Variants in UBE2D3 observed in about 807,000 individuals in gnomAD.
The protein encoded by UBE2D3 is ubiquitin conjugating enzyme E2 D3.
UBE2D3 carries 2 observed loss-of-function variants against 22.8 expected under a neutral mutation model. That is an observed-to-expected ratio of 0.09 (90% CI 0.04 to 0.28). The LOEUF is 0.28. UBE2D3 is among the 10% of genes least tolerant of loss of function. The pLI, the probability that UBE2D3 is intolerant of heterozygous loss-of-function variation, is 1.00. For synonymous variants in UBE2D3, 56 were observed against 60.4 expected, an observed-to-expected ratio of 0.93 and a Z score of 0.34; for missense variants, 27 against 182.5, an observed-to-expected ratio of 0.15 and a Z score of 4.91.
At chr4:102,803,926 A>C (rs1578226064) in intron 4 of UBE2D3, among the ~76,000 whole-genome samples, 1 of 151,736 alleles carries the variant, frequency 6.6e-6, no homozygotes, top group Admixed American at 6.6e-5. Flanking sequence ...GCACCACCAC[A>C]CCCAGCTAAT....
At chr4:102,868,836 C>A in exon 1 of UBE2D3, 1 of 1,583,238 alleles carries the variant, frequency 6.3e-7, no homozygotes, top group Non-Finnish European at 8.7e-7. Context: ...GCCACCTTCA[C>A]ACGAGATTCC....
chr4:102,837,625 C>A lies in UBE2D3; in HGVS notation c.-128-10989G>T, dbSNP rs571679084. Reference sequence around the variant, plus strand: ...ATCGCTTGGGCCCAGGAGTTTGAGACAAGCTTAGGCAACACAGTGATCCTG... The same window carrying A: ...ATCGCTTGGGCCCAGGAGTTTGAGAAAAGCTTAGGCAACACAGTGATCCTG... On this transcript the variant is annotated intron_variant, in intron 1 of 7. Transcript: ENST00000338145. Among the ~76,000 whole-genome samples, 7 of 152,120 alleles carry A rather than the reference C, an allele frequency of 4.6e-5. No homozygotes were observed. In the South Asian group the frequency reaches 1.5e-3, roughly 32 times the overall value.
chr4:102,799,612 T>C, intron 6 of UBE2D3, 112 bp from the exon 7 acceptor site: 1 of 711,914 alleles, frequency 1.4e-6, no homozygotes, highest in Non-Finnish European at 2.3e-6. Context: ...TTAGTTTGTA[T>C]CTTTATCTCA....
chr4:102,832,429 T>C (rs758462996), upstream of UBE2D3, among the ~76,000 whole-genome samples: 3 of 152,040 alleles, frequency 2.0e-5, no homozygotes, highest in African/African-American at 4.8e-5. Context: ...AATGGAGAAA[T>C]TGAATTTTTA....
chr4:102,828,285 C>T (rs192196461), upstream of UBE2D3: 3 of 984,844 alleles, frequency 3.0e-6, no homozygotes, highest in South Asian at 9.4e-5. Context: ...TAGTCTAGCT[C>T]GGGCCGGGAT....
At position 102,825,609 on chromosome 4, in the gene UBE2D3, A is replaced by C; in HGVS notation, c.24+876T>G. 2.4e-6 allele frequency: 3 copies of C among 1,240,434 alleles called. No homozygotes were observed. The South Asian group carries it at 3.9e-5, about 16-fold the overall frequency. The allele number at this position is 1,240,434 out of a possible 1,614,324, so 76.8% of individuals were successfully genotyped here. ...AGGTGGAGGTTCCGCTCACTCCCAG[A>C]GCTCCGAAAAATCCTAGTTTTTTTT... On this transcript the variant is annotated intron_variant, in intron 2 of 7. Transcript: ENST00000453744.
At chr4:102,821,275 G>A (rs1729565574) in intron 2 of UBE2D3, among the ~76,000 whole-genome samples, 1 of 152,008 alleles carries the variant, frequency 6.6e-6, no homozygotes, top group Non-Finnish European at 1.5e-5. Flanking sequence ...AATAATACTA[G>A]TACAAAAAAT....
upstream of UBE2D3, among the ~76,000 whole-genome samples, chr4:102,832,526 G>C (rs1047968042): frequency 4.6e-5 from 7 of 152,170 alleles, no homozygotes; most frequent in Non-Finnish European, 8.8e-5. Flanking sequence ...TATTGGGATG[G>C]AGACTAGAGG....
intron 2 of UBE2D3, chr4:102,811,785 G>A: frequency 4.5e-6 from 2 of 449,232 alleles, no homozygotes; most frequent in Non-Finnish European, 8.9e-6. Context: ...GAGAAGCAGA[G>A]GCGAGAGGAC....
intron 1 of UBE2D3, among the ~76,000 whole-genome samples, chr4:102,857,047 G>A (rs1379354777): frequency 2.0e-5 from 3 of 152,120 alleles, no homozygotes; most frequent in African/African-American, 7.2e-5. Context: ...TGTTAACTAT[G>A]GATTTTAGTT....
chr4:102,849,946 T>C (rs1187694045), intron 1 of UBE2D3, among the ~76,000 whole-genome samples: 4 of 152,140 alleles, frequency 2.6e-5, no homozygotes, highest in African/African-American at 9.7e-5. Context: ...CCTAAGTATA[T>C]ACTCAACAGA....
In UBE2D3 at chr4:102,797,472, G is replaced by C. The variant is rs778787298; in HGVS notation, c.399-12C>G. ...ATATTCTGTTGTACCTGTAAATAAA[G>C]ATGTTATTTTTAAAAGTTAAAATAA... On this transcript the variant is annotated splice_polypyrimidine_tract_variant and intron_variant, in intron 7 of 7. Coordinates refer to ENST00000453744, the MANE Select transcript of UBE2D3 (RefSeq NM_181891.3). 6.3e-7 allele frequency: 1 copy of C among 1,589,646 alleles called. No homozygotes were observed. The highest frequency in any genetic ancestry group is 1.1e-5 in the South Asian group (1 of 87,820).
upstream of UBE2D3, among the ~76,000 whole-genome samples, chr4:102,829,377 A>G (rs1230811956): frequency 3.3e-5 from 5 of 152,182 alleles, no homozygotes; most frequent in Non-Finnish European, 4.4e-5. Flanking sequence ...AGCTAGCCAG[A>G]TATACTAAAA....
At chr4:102,862,575 T>C (rs2110381350) in intron 1 of UBE2D3, among the ~76,000 whole-genome samples, 1 of 152,368 alleles carries the variant, frequency 6.6e-6, no homozygotes, top group Non-Finnish European at 1.5e-5. Flanking sequence ...GTGGAACACA[T>C]CCTCTATTAG....
At chr4:102,827,947 G>T, upstream of UBE2D3, 1 of 985,552 alleles carries the variant, frequency 1.0e-6, no homozygotes, top group Non-Finnish European at 1.2e-6. Context: ...TCCTCACTTG[G>T]TATCGAGGAG....
intron 1 of UBE2D3, among the ~76,000 whole-genome samples, chr4:102,836,189 C>T (rs931510761): frequency 6.8e-6 from 1 of 148,064 alleles, no homozygotes; most frequent in Non-Finnish European, 1.5e-5. Flanking sequence ...CTCTGTCACC[C>T]AGGCTGGAGT....
chr4:102,811,891 C>T lies in UBE2D3; in HGVS notation c.25-2036G>A, dbSNP rs72663162. ...AAAATTACGATAAAGCCAGTATCAA[C>T]TGTCTACCACAATATCAATGCATCC... On this transcript the variant is annotated intron_variant, in intron 2 of 7. Coordinates refer to ENST00000453744, the MANE Select transcript of UBE2D3 (RefSeq NM_181891.3). The T allele has an allele frequency of 5.4e-3, 1,914 of 351,676 alleles. 5 individuals are homozygous for T. The highest frequency in any genetic ancestry group is 7.5e-3 in the Non-Finnish European group (1,367 of 182,716). The allele number at this position is 351,676 out of a possible 1,614,324, so 21.8% of individuals were successfully genotyped here.
intron 1 of UBE2D3, among the ~76,000 whole-genome samples, chr4:102,860,184 T>C (rs566591081): frequency 6.6e-6 from 1 of 152,228 alleles, no homozygotes; most frequent in South Asian, 2.1e-4. Context: ...GTTGAAATTC[T>C]CATTTGTTCA....
At chr4:102,831,951 T>C (rs1731138426), upstream of UBE2D3, among the ~76,000 whole-genome samples, 1 of 152,118 alleles carries the variant, frequency 6.6e-6, no homozygotes. Context: ...AACATCGAAT[T>C]ACTATTAGGT....
Sources: allele counts gnomAD v4.1 joint callset (sites outside exome capture counted in the v4.1 genomes callset), GRCh38; gene constraint gnomAD v4.1.1; transcripts MANE v1.5; gene names NCBI Gene and HGNC (gene_info 2026-07-23, HGNC 2026-07-21).